The following ITPK1 variants were observed in gnomAD, a reference collection of about 807,000 sequenced individuals.
The protein encoded by ITPK1 is inositol-tetrakisphosphate 1-kinase, also known as inositol 1,3,4-trisphosphate 5/6-kinase.
A neutral mutation model predicts 45.3 loss-of-function variants in ITPK1; 21 were observed. The observed-to-expected ratio is 0.46, with a 90% CI of 0.33 to 0.67. The LOEUF (loss-of-function observed/expected upper bound fraction) is 0.67. Among genes scored for constraint, ITPK1 ranks in the 30% least tolerant of loss-of-function variants. The pLI, the probability that ITPK1 is intolerant of heterozygous loss-of-function variation, is 0.02. For synonymous variants in ITPK1, 258 were observed against 253.6 expected (o/e 1.02, Z -0.16); for missense variants, 474 against 573.5 (o/e 0.83, Z 1.77).
At chr14:93,011,772 A>G (rs1045855517) in intron 4 of ITPK1, among the ~76,000 whole-genome samples, 4 of 152,154 alleles carry the variant, frequency 2.6e-5, no homozygotes, top group Admixed American at 2.0e-4. Context: ...TCCAAAGAGT[A>G]AACAGTGTCC....
intron 3 of ITPK1, chr14:93,067,400 T>C (rs1890804103): frequency 6.6e-6 from 1 of 151,356 alleles, no homozygotes; most frequent in Non-Finnish European, 1.5e-5. Context: ...CTCTGTTGTC[T>C]TGACATGGGA....
chr14:93,109,447 T>G (rs1892657265), intron 2 of ITPK1, among the ~76,000 whole-genome samples: 1 of 152,028 alleles, frequency 6.6e-6, no homozygotes. Context: ...CTGAATTTTT[T>G]TTAATATGTG....
intron 4 of ITPK1, among the ~76,000 whole-genome samples, chr14:93,000,643 G>C (rs1031335524): frequency 6.6e-6 from 1 of 152,174 alleles, no homozygotes; most frequent in Non-Finnish European, 1.5e-5. Flanking sequence ...TGCATCTCCA[G>C]AAAGGCTAGG....
At chr14:93,002,762 G>C (rs770701322) in intron 4 of ITPK1, among the ~76,000 whole-genome samples, 2 of 152,104 alleles carry the variant, frequency 1.3e-5, no homozygotes, top group Non-Finnish European at 2.9e-5. Flanking sequence ...CCTTCATCCA[G>C]CCCCCATCTT....
chr14:92,990,414 G>A lies in ITPK1; in HGVS notation c.364+3466C>T, dbSNP rs570591326. ...AGCCAGGGTCCCAGCCCCTGTGCCC[G>A]TGCTGGATGGCCTTCCTCTGGGCTT... On this transcript the variant is annotated intron_variant, in intron 5 of 10. Coordinates refer to ENST00000267615, the MANE Select transcript of ITPK1 (RefSeq NM_014216.6). 5.3e-5 allele frequency among the ~76,000 whole-genome samples: 8 copies of A among 152,308 alleles called. No individual in the cohort carries two copies. The East Asian group carries it at 7.7e-4, about 15-fold the overall frequency.
In ITPK1 at chr14:92,942,902, C is replaced by T. The variant is rs191609547; in HGVS notation, c.902-998G>A. On this transcript the variant is annotated intron_variant, in intron 10 of 10. Coordinates refer to ENST00000267615, the MANE Select transcript of ITPK1 (RefSeq NM_014216.6). ...AACCCTGGGCTGTCCTCTGGGACAA[C>T]ATTTACAACCATCAGCCCCACCAGG... 2.6e-5 allele frequency among the ~76,000 whole-genome samples: 4 copies of T among 152,364 alleles called. No homozygotes were observed. In the East Asian group the frequency reaches 5.8e-4, roughly 22 times the overall value.
chr14:93,088,415 T>C lies in ITPK1; in HGVS notation c.96-11796A>G, dbSNP rs542656404. On this transcript the variant is annotated intron_variant, in intron 2 of 10. Transcript: ENST00000267615. ...AGTGCAGTGACACGATTTCGGCTCA[T>C]TGCAGCCTTGACCTCCTGGGTTCAA... 5.4e-5 allele frequency among the ~76,000 whole-genome samples: 8 copies of C among 148,800 alleles called. No homozygotes were observed. The South Asian group carries it at 1.6e-3, about 29-fold the overall frequency.
intron 2 of ITPK1, among the ~76,000 whole-genome samples, chr14:93,107,479 C>T (rs57166702): frequency 0.042 from 6,328 of 152,260 alleles, 233 homozygotes; most frequent in Admixed American, 0.087. Context: ...AGGTTTGGAA[C>T]GAAGACATCT....
chr14:93,041,765 G>A (rs1298220929), intron 3 of ITPK1, among the ~76,000 whole-genome samples: 1 of 152,190 alleles, frequency 6.6e-6, no homozygotes. Context: ...CCCCAGTCCT[G>A]TGCTCGCACC....
chr14:93,033,945 T>C (rs1201410686), intron 3 of ITPK1, among the ~76,000 whole-genome samples: 1 of 151,574 alleles, frequency 6.6e-6, no homozygotes, highest in African/African-American at 2.4e-5. Context: ...GACTGGGGAC[T>C]GAGGATGGGG....
intron 5 of ITPK1, among the ~76,000 whole-genome samples, chr14:92,963,263 T>C (rs963587436): frequency 6.6e-6 from 1 of 152,212 alleles, no homozygotes; most frequent in African/African-American, 2.4e-5. Context: ...AATAAAGACT[T>C]TCCCACCATG....
intron 5 of ITPK1, among the ~76,000 whole-genome samples, chr14:92,979,546 T>C (rs921662852): frequency 6.6e-6 from 1 of 152,148 alleles, no homozygotes; most frequent in Non-Finnish European, 1.5e-5. Flanking sequence ...TGGGAGGTGA[T>C]TGGATCATGG....
At chr14:92,980,503 C>T (rs1286399555) in intron 5 of ITPK1, among the ~76,000 whole-genome samples, 1 of 152,156 alleles carries the variant, frequency 6.6e-6, no homozygotes, top group Non-Finnish European at 1.5e-5. Context: ...GATAACTTGG[C>T]CTTTCTTACC....
At chr14:93,105,522 CTTTTT>C (rs11285368) in intron 2 of ITPK1, among the ~76,000 whole-genome samples, 1 of 100,152 alleles carries the variant, frequency 1.0e-5, no homozygotes. Flanking sequence ...GCCCCTGGAG[CTTTTT>C]TTTTTTTTTT....
At chr14:93,017,785 A>C (rs561559936) in intron 3 of ITPK1, among the ~76,000 whole-genome samples, 1 of 152,374 alleles carries the variant, frequency 6.6e-6, no homozygotes, top group East Asian at 1.9e-4. Context: ...TGACTGTTTT[A>C]AAAATGTTAC....
intron 2 of ITPK1, among the ~76,000 whole-genome samples, chr14:93,090,887 C>A (rs1283433278): frequency 6.6e-6 from 1 of 152,214 alleles, no homozygotes; most frequent in Non-Finnish European, 1.5e-5. Flanking sequence ...CCATCACCAA[C>A]CTGCGCCTCC....
chr14:93,106,265 T>C (rs375156652), intron 2 of ITPK1, among the ~76,000 whole-genome samples: 2 of 146,352 alleles, frequency 1.4e-5, no homozygotes, highest in South Asian at 2.3e-4. Flanking sequence ...TGTCTTCCTA[T>C]CCCTGGCCCC....
chr14:93,081,151 A>G (rs1333594814), intron 2 of ITPK1, among the ~76,000 whole-genome samples: 1 of 151,830 alleles, frequency 6.6e-6, no homozygotes, highest in Non-Finnish European at 1.5e-5. Flanking sequence ...CCTGGCCAAC[A>G]TGGTAAAACC....
chr14:92,968,984 A>G (rs1406534131), intron 5 of ITPK1, among the ~76,000 whole-genome samples: 1 of 152,144 alleles, frequency 6.6e-6, no homozygotes. Context: ...ACTGTTTTGC[A>G]TCCCGAGCTG....
Sources: allele counts gnomAD v4.1 joint callset (sites outside exome capture counted in the v4.1 genomes callset), GRCh38; gene constraint gnomAD v4.1.1; transcripts MANE v1.5; gene names NCBI Gene and HGNC (gene_info 2026-07-23, HGNC 2026-07-21).